DCT: variants seen among roughly 807,000 people sequenced by gnomAD.
DCT encodes dopachrome tautomerase.
Under a neutral mutation model 53.0 loss-of-function variants are expected in DCT, and 47 were observed. That is an observed-to-expected ratio of 0.89 (90% CI 0.70 to 1.13). The LOEUF (loss-of-function observed/expected upper bound fraction) is 1.13. Ranked by LOEUF, DCT falls within the 50% of genes most tolerant of loss-of-function variation. DCT has a pLI of 0.00. For synonymous variants in DCT, 244 were observed against 237.0 expected (o/e 1.03, Z -0.27); for missense variants, 669 against 637.4 (o/e 1.05, Z -0.53).
intron 6 of DCT, among the ~76,000 whole-genome samples, chr13:94,457,970 A>G (rs187904073): frequency 6.6e-6 from 1 of 152,326 alleles, no homozygotes; most frequent in African/African-American, 2.4e-5. Flanking sequence ...TAGAACATCG[A>G]CAGCAGACAA....
At chr13:94,461,916 C>G (rs1883817269) in intron 5 of DCT, 94 bp downstream of exon 5, 5 of 1,088,222 alleles carry the variant, frequency 4.6e-6, no homozygotes, top group Non-Finnish European at 6.5e-6. Context: ...TCGTAGACAA[C>G]CCCCAAAACC....
chr13:94,543,467 C>T, the DCT span, among the ~76,000 whole-genome samples: 2 of 152,178 alleles, frequency 1.3e-5, no homozygotes, highest in Non-Finnish European at 2.9e-5. Context: ...TGGATACTTT[C>T]CTGTAACACA....
At chr13:94,526,062 C>T in the DCT span, among the ~76,000 whole-genome samples, 3 of 152,236 alleles carry the variant, frequency 2.0e-5, no homozygotes, top group South Asian at 4.1e-4. Context: ...CATGTGCTGT[C>T]TTCAAGGCTT....
intron 6 of DCT, chr13:94,444,436 T>G (rs1390142151): frequency 1.9e-6 from 1 of 515,342 alleles, no homozygotes; most frequent in Non-Finnish European, 3.9e-6. Context: ...CAAAAGAAAG[T>G]CTAAAAAGGT....
the DCT span, among the ~76,000 whole-genome samples, chr13:94,501,077 TAACATGGTGA>T: frequency 6.6e-6 from 1 of 152,018 alleles, no homozygotes; most frequent in Non-Finnish European, 1.5e-5. Flanking sequence ...CCATCCTGGC[TAACATGGTGA>T]AACCCCATCT....
intron 1 of DCT, among the ~76,000 whole-genome samples, chr13:94,474,133 A>G (rs993022888): frequency 6.6e-6 from 1 of 152,236 alleles, no homozygotes; most frequent in Non-Finnish European, 1.5e-5. Flanking sequence ...TTACTGGGAA[A>G]TGGAGAGAGG....
chr13:94,538,359 C>T, the DCT span, among the ~76,000 whole-genome samples: 3 of 152,218 alleles, frequency 2.0e-5, no homozygotes, highest in Non-Finnish European at 4.4e-5. Context: ...TACGGAACTT[C>T]TGGATATTAC....
At chr13:94,538,226 T>C in the DCT span, among the ~76,000 whole-genome samples, 100 of 152,388 alleles carry the variant, frequency 6.6e-4, no homozygotes, top group East Asian at 6.7e-3. Flanking sequence ...CTGCAGGACC[T>C]GCCTGACTAC....
In DCT at chr13:94,439,455, A is replaced by G. The variant is rs1314458118; in HGVS notation, c.*443T>C. 6.5e-6 allele frequency: 1 copy of G among 153,414 alleles called. No homozygotes were observed. Among genetic ancestry groups the G allele is most frequent in the East Asian group, 1.9e-4 (1 of 5,206 alleles). The allele number at this position is 153,414 out of a possible 1,614,324, so 9.5% of individuals were successfully genotyped here. On this transcript the variant is annotated 3_prime_UTR_variant, in exon 8 of 8. Transcript: ENST00000377028. ...CTAGCACCTACCAACTCCCACCTCC[A>G]TGGCATTACCAATAAAGACACTGGG...
chr13:94,456,535 A>C (rs979881238), intron 6 of DCT, among the ~76,000 whole-genome samples: 11 of 152,346 alleles, frequency 7.2e-5, no homozygotes, highest in African/African-American at 2.4e-4. Flanking sequence ...AGGTTTGAAA[A>C]TCTAAACCTA....
At chr13:94,500,882 C>T in the DCT span, among the ~76,000 whole-genome samples, 3 of 152,234 alleles carry the variant, frequency 2.0e-5, no homozygotes, top group African/African-American at 7.2e-5. Flanking sequence ...TAGCACAATG[C>T]ACCACTCTGT....
the DCT span, among the ~76,000 whole-genome samples, chr13:94,540,289 A>G: frequency 2.0e-5 from 3 of 152,208 alleles, no homozygotes; most frequent in Non-Finnish European, 4.4e-5. Flanking sequence ...TTGCAGAAAG[A>G]GAATAAACCT....
At chr13:94,522,126 G>A in the DCT span, among the ~76,000 whole-genome samples, 1 of 152,118 alleles carries the variant, frequency 6.6e-6, no homozygotes, top group African/African-American at 2.4e-5. Context: ...AATTAATACT[G>A]TCAACTTGAT....
Position 94,461,978 on chromosome 13 carries a change from C to T in DCT, c.1043+32G>A, listed in dbSNP as rs151042383. On this transcript the variant is annotated intron_variant, in intron 5 of 7. Transcript: ENST00000377028. ...CACAGGCATGAAAACCTGTACTGTA[C>T]AGGCAGGTCCAGCAGAGCTCAGAGC... is the stretch of plus-strand genomic sequence containing the variant. 576 of 1,594,126 alleles carry T rather than the reference C, an allele frequency of 3.6e-4. 1 individual carries two copies. In the African/African-American group the frequency reaches 7.0e-3, roughly 19 times the overall value.
At chr13:94,457,934 C>A (rs983118254) in intron 6 of DCT, among the ~76,000 whole-genome samples, 1 of 152,148 alleles carries the variant, frequency 6.6e-6, no homozygotes, top group African/African-American at 2.4e-5. Context: ...GACTTGATGT[C>A]CCCCTATCAG....
At chr13:94,476,469 C>CTTTTTTTT (rs57154236) in intron 1 of DCT, among the ~76,000 whole-genome samples, 4 of 111,054 alleles carry the variant, frequency 3.6e-5, no homozygotes, top group South Asian at 2.9e-4. Flanking sequence ...TTGGCACTTT[C>CTTTTTTTT]TTTTTTTTTT....
At chr13:94,494,353 CCTTAAGT>C in the DCT span, among the ~76,000 whole-genome samples, 1 of 152,128 alleles carries the variant, frequency 6.6e-6, no homozygotes, top group South Asian at 2.1e-4. Context: ...TGTTTGTGCT[CCTTAAGT>C]CTATTTTAGG....
Position 94,479,226 on chromosome 13 carries a change from G to A in DCT, c.30C>T (p.Leu10=), listed in dbSNP as rs1885313741. 6.3e-7 allele frequency: 1 copy of A among 1,597,442 alleles called. No homozygotes were observed. The highest frequency in any genetic ancestry group is 8.6e-7 in the Non-Finnish European group (1 of 1,166,884). The stretch of plus-strand genomic sequence containing the variant: ...GCAGGATTTTGCAGCCCAAGCAACT[G>A]AGCAGAAACCCCCACCAAAGGGGGC... MSPLWWGFL[L]SCLGCKILPG... Residue 10 remains leucine (L), a synonymous_variant, in exon 1 of 8, where the codon CTC becomes CTT. Transcript: ENST00000377028.
chr13:94,536,607 G>A, the DCT span, among the ~76,000 whole-genome samples: 36 of 152,092 alleles, frequency 2.4e-4, no homozygotes, highest in African/African-American at 7.7e-4. Flanking sequence ...TCCCTCTCCC[G>A]CTATGTGACA....
Sources: allele counts gnomAD v4.1 joint callset (sites outside exome capture counted in the v4.1 genomes callset), GRCh38; gene constraint gnomAD v4.1.1; transcripts MANE v1.5; gene names NCBI Gene and HGNC (gene_info 2026-07-23, HGNC 2026-07-21).